The following GLRA3 variants were observed in gnomAD, a reference collection of about 807,000 sequenced individuals.
GLRA3 encodes the protein glycine receptor alpha 3.
GLRA3 carries 44 observed loss-of-function variants against 60.4 expected under a neutral mutation model. The observed-to-expected ratio is 0.73, with a 90% confidence interval of 0.57 to 0.94. The LOEUF (loss-of-function observed/expected upper bound fraction) is 0.94. GLRA3 is among the 40% of genes least tolerant of loss of function. The pLI is 0.00. For missense variants in GLRA3, 508 were observed against 564.6 expected (o/e 0.90, Z 1.02); for synonymous variants, 223 against 192.9 (o/e 1.16, Z -1.29).
At chr4:174,721,043 T>G (rs112176105) in intron 4 of GLRA3, among the ~76,000 whole-genome samples, 218 of 112,950 alleles carry the variant, frequency 1.9e-3, no homozygotes, top group South Asian at 5.4e-3. Flanking sequence ...GTGTGTGTGT[T>G]TTTGAGATGG....
At chr4:174,757,173 TAA>T (rs1445923623) in intron 3 of GLRA3, among the ~76,000 whole-genome samples, 2 of 152,182 alleles carry the variant, frequency 1.3e-5, no homozygotes, top group Non-Finnish European at 2.9e-5. Context: ...ACTATTGAAT[TAA>T]GTTATCAAGT....
intron 4 of GLRA3, among the ~76,000 whole-genome samples, chr4:174,726,052 C>T (rs565939403): frequency 3.9e-5 from 6 of 152,210 alleles, no homozygotes; most frequent in Admixed American, 6.5e-5. Flanking sequence ...GGAGAGGCTC[C>T]GCCTTATTGC....
At chr4:174,783,220 A>G (rs1434342694) in intron 2 of GLRA3, among the ~76,000 whole-genome samples, 2 of 150,686 alleles carry the variant, frequency 1.3e-5, no homozygotes, top group East Asian at 1.9e-4. Context: ...CAATGGGGAA[A>G]GGATTCCCTA....
At chr4:174,660,261 T>C (rs1169113709) in intron 7 of GLRA3, among the ~76,000 whole-genome samples, 1 of 152,192 alleles carries the variant, frequency 6.6e-6, no homozygotes, top group Non-Finnish European at 1.5e-5. Flanking sequence ...TTTTGTTATT[T>C]GTTTTCCAGC....
chr4:174,792,899 G>C (rs1057044083), intron 1 of GLRA3, among the ~76,000 whole-genome samples: 37 of 152,122 alleles, frequency 2.4e-4, no homozygotes, highest in Non-Finnish European at 3.8e-4. Flanking sequence ...GCCAGGTTGT[G>C]GACTTTTCCT....
chr4:174,764,844 T>C (rs576607654), intron 3 of GLRA3, among the ~76,000 whole-genome samples: 1 of 152,220 alleles, frequency 6.6e-6, no homozygotes, highest in Admixed American at 6.6e-5. Context: ...ACAGCTATTT[T>C]AGCTGATACC....
At chr4:174,729,777 G>A (rs906698735) in intron 3 of GLRA3, among the ~76,000 whole-genome samples, 10 of 152,282 alleles carry the variant, frequency 6.6e-5, no homozygotes, top group African/African-American at 2.4e-4. Context: ...TCATTTGCAT[G>A]CAAAATAGCC....
intron 1 of GLRA3, among the ~76,000 whole-genome samples, chr4:174,791,145 G>A (rs1739331959): frequency 6.6e-6 from 1 of 151,858 alleles, no homozygotes. Flanking sequence ...TATGTATAAA[G>A]ATACATGAAA....
intron 7 of GLRA3, among the ~76,000 whole-genome samples, chr4:174,675,570 T>C (rs1275233586): frequency 6.6e-6 from 1 of 152,146 alleles, no homozygotes; most frequent in Non-Finnish European, 1.5e-5. Flanking sequence ...GACGATTTCC[T>C]TTACAAATTA....
At chr4:174,826,061 C>T (rs372210566) in intron 1 of GLRA3, among the ~76,000 whole-genome samples, 8 of 152,128 alleles carry the variant, frequency 5.3e-5, no homozygotes, top group African/African-American at 1.9e-4. Flanking sequence ...TTAGCAATTC[C>T]CCTTCTAGAG....
intron 1 of GLRA3, among the ~76,000 whole-genome samples, chr4:174,827,407 A>T (rs1741021563): frequency 6.6e-6 from 1 of 151,664 alleles, no homozygotes; most frequent in African/African-American, 2.4e-5. Context: ...TCTTTGAAAA[A>T]AATGTATTTT....
chr4:174,818,366 G>A (rs1313208541), intron 1 of GLRA3, among the ~76,000 whole-genome samples: 1 of 152,046 alleles, frequency 6.6e-6, no homozygotes, highest in Non-Finnish European at 1.5e-5. Flanking sequence ...TTTGATGTGA[G>A]ATTATATTTA....
intron 1 of GLRA3, among the ~76,000 whole-genome samples, chr4:174,803,046 C>T (rs1040798139): frequency 6.6e-6 from 1 of 151,978 alleles, no homozygotes; most frequent in African/African-American, 2.4e-5. Context: ...AGGAGGACTC[C>T]ATTCAATAGT....
chr4:174,825,996 A>G (rs4048271), intron 1 of GLRA3, among the ~76,000 whole-genome samples: 112,914 of 151,932 alleles, frequency 0.74, 42,462 homozygotes, highest in Non-Finnish European at 0.8. Context: ...ATAAAACTAC[A>G]TAGGAATACT....
intron 1 of GLRA3, among the ~76,000 whole-genome samples, chr4:174,811,416 G>A (rs1347801102): frequency 6.6e-6 from 1 of 152,072 alleles, no homozygotes; most frequent in Admixed American, 6.6e-5. Context: ...GATGTGGCCT[G>A]ATCTCTGTTA....
At chr4:174,751,253 C>T (rs1409703065) in intron 3 of GLRA3, among the ~76,000 whole-genome samples, 4 of 151,944 alleles carry the variant, frequency 2.6e-5, no homozygotes, top group Non-Finnish European at 4.4e-5. Flanking sequence ...GAATTTGTTG[C>T]CATCGAAGGA....
At chr4:174,665,892 C>T (rs1012567168) in intron 7 of GLRA3, among the ~76,000 whole-genome samples, 1 of 152,000 alleles carries the variant, frequency 6.6e-6, no homozygotes, top group Non-Finnish European at 1.5e-5. Flanking sequence ...AACTAATATG[C>T]CAGGAAATGC....
At chr4:174,715,650 C>A in intron 4 of GLRA3, 80 bp from the exon 5 acceptor site, 1 of 658,820 alleles carries the variant, frequency 1.5e-6, no homozygotes, top group Non-Finnish European at 2.7e-6. Flanking sequence ...AACAATGTTG[C>A]TTTGCTGGTG....
chr4:174,736,612 T>A (rs1736799845), intron 3 of GLRA3, among the ~76,000 whole-genome samples: 1 of 152,218 alleles, frequency 6.6e-6, no homozygotes, highest in Non-Finnish European at 1.5e-5. Flanking sequence ...AGCATAAGTT[T>A]TTACAAGGTT....
Sources: gnomAD v4.1 joint callset for allele counts (sites outside exome capture counted in the v4.1 genomes callset) on GRCh38, gnomAD v4.1.1 for gene constraint, MANE v1.5 for transcripts, NCBI Gene and HGNC (gene_info 2026-07-23, HGNC 2026-07-21) for gene names.